Variants in USP42 observed in about 807,000 individuals in gnomAD.
The protein encoded by USP42 is ubiquitin specific peptidase 42.
Under a neutral mutation model 113.0 loss-of-function variants are expected in USP42, and 23 were observed. The ratio of observed to expected loss-of-function variants is 0.20; its 90% CI spans 0.15 to 0.29. The LOEUF is 0.29. USP42 is among the 10% of genes least tolerant of loss of function. The probability of loss-of-function intolerance (pLI) is 1.00; values close to 1 mark genes in which losing one functional copy is unlikely to be tolerated. For synonymous variants in USP42, 933 were observed against 699.0 expected, an observed-to-expected ratio of 1.33 and a Z score of -5.28; for missense variants, 2,174 against 1,779.8, an observed-to-expected ratio of 1.22 and a Z score of -3.99.
the USP42 span, chr7:6,081,845 G>A: frequency 5.3e-5 from 8 of 152,126 alleles, no homozygotes; most frequent in African/African-American, 1.9e-4. Flanking sequence ...CTCCCCTCCT[G>A]AGAGTTTACC....
chr7:6,147,594 G>A, intron 11 of USP42, 145 bp from the exon 12 acceptor site: 1 of 790,260 alleles, frequency 1.3e-6, no homozygotes, highest in Non-Finnish European at 1.8e-6. Flanking sequence ...GAGGGGATGT[G>A]TATAGCTCCA....
chr7:6,132,958 A>G (rs1178792469), intron 3 of USP42, among the ~76,000 whole-genome samples: 1 of 152,246 alleles, frequency 6.6e-6, no homozygotes, highest in Non-Finnish European at 1.5e-5. Flanking sequence ...GGCGTGAGCC[A>G]CTGCGCCCGG....
chr7:6,154,278 G>T lies in USP42; in HGVS notation c.2724G>T (p.Pro908=), dbSNP rs762736924. Residue 908 remains proline (P), a synonymous_variant, in exon 15 of 18, where the codon CCG becomes CCT. Transcript: ENST00000306177. ...CAGCTCCTGTGCTGGACATGGCCCC[G>T]GCCGGTCACCCGGAAGGGGACGCTG... The part of the protein sequence containing the change: ...RPPAPVLDMA[P]AGHPEGDAEP... 2 of 1,595,556 alleles carry T rather than the reference G, an allele frequency of 1.3e-6. No homozygotes were observed. The highest frequency in any genetic ancestry group is 1.1e-5 in the South Asian group (1 of 89,158).
At position 6,144,170 on chromosome 7, in the gene USP42, A is replaced by C. The variant is rs764334859; in HGVS notation, c.964A>C (p.Asn322His). The change falls in exon 9 of 18, where the codon AAT (asparagine) becomes CAT (histidine). Residue 322 changes from asparagine (N) to histidine (H), a missense_variant. By Grantham distance (68) the Asn-to-His change is moderately conservative (BLOSUM62 1). Coordinates refer to ENST00000306177, the MANE Select transcript of USP42 (RefSeq NM_032172.3). The stretch of plus-strand genomic sequence containing the variant: ...TACACTTTCTCTGAAACGTTTTGCA[A>C]ATTTTACCGGTGGAAAAATTGCTAA... ...VLTLSLKRFA[N>H]FTGGKIAKDV... 6.3e-7 allele frequency: 1 copy of C among 1,595,000 alleles called. No individual in the cohort carries two copies. Among genetic ancestry groups the C allele is most frequent in the Non-Finnish European group, 8.5e-7 (1 of 1,174,146 alleles).
upstream of USP42, among the ~76,000 whole-genome samples, chr7:6,100,405 T>C (rs1790084902): frequency 6.7e-6 from 1 of 150,292 alleles, no homozygotes; most frequent in Admixed American, 6.6e-5. Flanking sequence ...CCTCAGCTCA[T>C]TTCAACCTCC....
chr7:6,153,623 TAAAGTA>T, intron 14 of USP42, 127 bp from the exon 15 acceptor site: 2 of 1,170,740 alleles, frequency 1.7e-6, no homozygotes, highest in Middle Eastern at 3.1e-4. Context: ...GCCTGAAACT[TAAAGTA>T]TAATAATAAT....
intron 3 of USP42, among the ~76,000 whole-genome samples, chr7:6,134,185 T>G (rs866785902): frequency 6.6e-6 from 1 of 152,130 alleles, no homozygotes; most frequent in Non-Finnish European, 1.5e-5. Flanking sequence ...GCCACCAGGC[T>G]CAGCCACCAT....
At chr7:6,114,654 GTGTATATA>G (rs1350602972) in intron 2 of USP42, among the ~76,000 whole-genome samples, 37 of 69,298 alleles carry the variant, frequency 5.3e-4, no homozygotes, top group African/African-American at 2.3e-3. Context: ...GTATGTGTGT[GTGTATATA>G]TATATATATA....
In USP42 at chr7:6,145,564, C is replaced by G. The variant is rs934929744; in HGVS notation, c.1039C>G (p.Pro347Ala). Residue 347 changes from proline to alanine, a missense_variant, in exon 10 of 18, where the codon CCC becomes GCC. Transcript: ENST00000306177. ...TGATATTCGGCCATATATGTCTCAA[C>G]CCAACGGAGAGCCAATTGTCTACGT... ...YLDIRPYMSQ[P>A]NGEPIVYVLY... The G allele has an allele frequency of 1.2e-5, 19 of 1,613,850 alleles. No individual in the cohort carries two copies. Among genetic ancestry groups the G allele is most frequent in the Non-Finnish European group, 1.5e-5 (18 of 1,179,886 alleles).
intron 1 of USP42, among the ~76,000 whole-genome samples, chr7:6,106,835 G>C (rs1397128575): frequency 6.6e-6 from 1 of 152,116 alleles, no homozygotes; most frequent in Non-Finnish European, 1.5e-5. Flanking sequence ...CAAAGTGTTG[G>C]GATTACAGGC....
At chr7:6,123,761 T>C (rs1780367133) in intron 3 of USP42, among the ~76,000 whole-genome samples, 1 of 145,834 alleles carries the variant, frequency 6.9e-6, no homozygotes, top group South Asian at 2.2e-4. Flanking sequence ...GGTAGGAGAA[T>C]CACTTGAGCC....
chr7:6,112,884 G>A (rs1459174872), intron 2 of USP42, among the ~76,000 whole-genome samples: 1 of 146,750 alleles, frequency 6.8e-6, no homozygotes, highest in Non-Finnish European at 1.5e-5. Flanking sequence ...TTGTTTTTGA[G>A]TCCTTTAGTA....
chr7:6,105,824 A>C (rs1416180472), intron 1 of USP42, among the ~76,000 whole-genome samples: 1 of 152,222 alleles, frequency 6.6e-6, no homozygotes, highest in African/African-American at 2.4e-5. Context: ...CTAGGACTTT[A>C]ACCCCTCTCA....
chr7:6,130,057 C>G (rs1780764496), intron 3 of USP42, among the ~76,000 whole-genome samples: 1 of 152,042 alleles, frequency 6.6e-6, no homozygotes, highest in South Asian at 2.1e-4. Context: ...GTAATCATGG[C>G]TCACTGCAGC....
rs374991376 is a variant in USP42, at chr7:6,151,431, T to C, written c.2201+925T>C. 4.2e-3 allele frequency among the ~76,000 whole-genome samples: 638 copies of C among 152,326 alleles called. 3 individuals are homozygous for C. Among genetic ancestry groups the C allele is most frequent in the African/African-American group, 0.015 (610 of 41,568 alleles). Reference sequence around the variant, plus strand: ...AAACATACAGCTGTACAAAAATAACTTCTTTTTTTGTTTGTTTTTTTGTTT... The same window carrying C: ...AAACATACAGCTGTACAAAAATAACCTCTTTTTTTGTTTGTTTTTTTGTTT... On this transcript the variant is annotated intron_variant, in intron 14 of 17. Coordinates refer to ENST00000306177, the MANE Select transcript of USP42 (RefSeq NM_032172.3).
At chr7:6,085,545 C>T in the USP42 span, among the ~76,000 whole-genome samples, 1 of 149,420 alleles carries the variant, frequency 6.7e-6, no homozygotes, top group East Asian at 1.9e-4. Flanking sequence ...AGAAGAGGGA[C>T]CTGCTGTATA....
chr7:6,154,347 A>G lies in USP42; in HGVS notation c.2793A>G (p.Lys931=), dbSNP rs1360181744. Reference sequence around the variant, plus strand: ...GGGTCGAGGACGCCGCGGCGCCGAAAGCCCCAGGCCCTTCCCCAGCGAAGG... The same window carrying G: ...GGGTCGAGGACGCCGCGGCGCCGAAGGCCCCAGGCCCTTCCCCAGCGAAGG... ...GERVEDAAAP[K]APGPSPAKEK... The change falls in exon 15 of 18, where the codon AAA becomes AAG. Residue 931 remains lysine (K), a synonymous_variant. Transcript: ENST00000306177. 1.9e-6 allele frequency: 3 copies of G among 1,572,662 alleles called. No homozygotes were observed. Among genetic ancestry groups the G allele is most frequent in the Non-Finnish European group, 2.6e-6 (3 of 1,160,420 alleles).
chr7:6,153,961 C>T lies in USP42; in HGVS notation c.2407C>T (p.Pro803Ser), dbSNP rs750959096. Reference sequence around the variant, plus strand: ...GGCCGTCGCCCCCGAGGAGCCTCCGCCCAGCGCCGGCGAGGACATCGTGGG... The same window carrying T: ...GGCCGTCGCCCCCGAGGAGCCTCCGTCCAGCGCCGGCGAGGACATCGTGGG... Reference protein sequence around the residue: ...AMAVAPEEPPPSAGEDIVGDT... With the variant: ...AMAVAPEEPPSSAGEDIVGDT... Residue 803 changes from proline (P) to serine (S), a missense_variant, in exon 15 of 18, where the codon CCC (proline) becomes TCC (serine). Transcript: ENST00000306177. The T allele has an allele frequency of 1.2e-5, 19 of 1,595,906 alleles. No individual in the cohort carries two copies. In the East Asian group the frequency reaches 3.8e-4, roughly 32 times the overall value.
intron 1 of USP42, among the ~76,000 whole-genome samples, chr7:6,107,495 T>C (rs184969254): frequency 1.4e-4 from 21 of 150,104 alleles, no homozygotes; most frequent in Non-Finnish European, 4.4e-5. Flanking sequence ...CCACAACCTC[T>C]GCCTCCTGGG....
Sources: gnomAD v4.1 joint callset for allele counts (sites outside exome capture counted in the v4.1 genomes callset) on GRCh38, gnomAD v4.1.1 for gene constraint, MANE v1.5 for transcripts, NCBI Gene and HGNC (gene_info 2026-07-23, HGNC 2026-07-21) for gene names.